Variants in VSIG1 observed in about 807,000 individuals in gnomAD.
VSIG1 encodes the protein V-set and immunoglobulin domain containing 1.
In VSIG1, 11 loss-of-function variants were observed where a neutral mutation model predicts 20.1. The observed-to-expected ratio is 0.55, with a 90% CI of 0.34 to 0.91. VSIG1 has a LOEUF of 0.91. Among genes scored for constraint, VSIG1 ranks in the 40% least tolerant of loss-of-function variants. The pLI, the probability that VSIG1 is intolerant of heterozygous loss-of-function variation, is 0.02. For synonymous variants in VSIG1, 126 were observed against 116.7 expected (o/e 1.08, Z -0.52); for missense variants, 283 against 298.8 (o/e 0.95, Z 0.39).
chrX:108,033,238 G>A, the VSIG1 span, among the ~76,000 whole-genome samples: 2 of 112,245 alleles, frequency 1.8e-5, no homozygotes, highest in Admixed American at 9.4e-5. Flanking sequence ...CACACCAAAA[G>A]AGTCAGGAGA....
chrX:108,074,055 A>G (rs807162), intron 5 of VSIG1, among the ~76,000 whole-genome samples: 5,898 of 111,789 alleles, frequency 0.053, 420 homozygotes, highest in African/African-American at 0.18. Context: ...GAATTGTCCA[A>G]TTGAGCTGAC....
chrX:108,020,792 C>A, the VSIG1 span, among the ~76,000 whole-genome samples: 16 of 111,508 alleles, frequency 1.4e-4, no homozygotes, highest in African/African-American at 5.2e-4. Context: ...TGCCACCAGT[C>A]CGAAATGGGG....
At chrX:108,027,042 T>A in the VSIG1 span, among the ~76,000 whole-genome samples, 1 of 110,999 alleles carries the variant, frequency 9.0e-6, no homozygotes, top group Non-Finnish European at 1.9e-5. Context: ...ACTGTGAGAG[T>A]ATGAAAAATG....
At chrX:108,026,935 C>T in the VSIG1 span, among the ~76,000 whole-genome samples, 1 of 111,877 alleles carries the variant, frequency 8.9e-6, no homozygotes, top group Non-Finnish European at 1.9e-5. Flanking sequence ...AGGTGCTCAA[C>T]ATCATTAGTC....
At chrX:108,077,006 C>T (rs1313544462) in intron 6 of VSIG1, 42 bp from the exon 7 acceptor site, 2 of 1,123,605 alleles carry the variant, frequency 1.8e-6, no homozygotes, top group Admixed American at 5.5e-5. Context: ...TCAAAGTTAG[C>T]ATCTCCCTAA....
the VSIG1 span, among the ~76,000 whole-genome samples, chrX:108,028,548 A>C: frequency 9.0e-6 from 1 of 111,298 alleles, no homozygotes; most frequent in East Asian, 2.8e-4. Context: ...GGGGGCTTGC[A>C]ATGTGAATGC....
At chrX:108,020,059 G>C in the VSIG1 span, among the ~76,000 whole-genome samples, 2 of 111,973 alleles carry the variant, frequency 1.8e-5, no homozygotes, top group African/African-American at 6.5e-5. Context: ...TCTCTCTGAT[G>C]ATCTATTCAA....
the VSIG1 span, among the ~76,000 whole-genome samples, chrX:108,033,883 G>A: frequency 2.6e-4 from 29 of 110,261 alleles, no homozygotes; most frequent in East Asian, 2.9e-4. Flanking sequence ...TAATCTCACG[G>A]TTTGGTTTAA....
chrX:108,037,616 T>C, the VSIG1 span, among the ~76,000 whole-genome samples: 1 of 112,538 alleles, frequency 8.9e-6, no homozygotes, highest in Admixed American at 9.4e-5. Flanking sequence ...GATTTGCCAC[T>C]ATTTCAGACT....
intron 6 of VSIG1, 150 bp downstream of exon 6, chrX:108,076,368 GGCT>G: frequency 2.8e-6 from 2 of 725,486 alleles, no homozygotes; most frequent in Non-Finnish European, 1.9e-6. Context: ...GAATGATGAT[GGCT>G]GCTATTTATT....
In VSIG1 at chrX:108,072,695, T is replaced by C; in HGVS notation, c.431T>C (p.Leu144Pro). ...VSVLVKPSKPLCSVQGRPETG... is the reference protein window; with the variant it reads ...VSVLVKPSKPPCSVQGRPETG... ...CTTACAGTGAAACCTTCTAAGCCCC[T>C]TTGTAGCGTTCAAGGAAGACCAGAA... Residue 144 changes from leucine to proline, a missense_variant, in exon 4 of 7, where the codon CTT becomes CCT. Physicochemically the swap from Leu to Pro is moderately conservative, Grantham distance 98 (BLOSUM62 -3). Transcript: ENST00000217957. The C allele has an allele frequency of 8.3e-7, 1 of 1,211,416 alleles. No individual in the cohort carries two copies. Among genetic ancestry groups the C allele is most frequent in the Non-Finnish European group, 1.1e-6 (1 of 895,226 alleles).
intron 1 of VSIG1, among the ~76,000 whole-genome samples, chrX:108,047,797 TATATATATATAC>T (rs1357210866): frequency 1.0e-4 from 7 of 69,208 alleles, no homozygotes; most frequent in Admixed American, 3.3e-4. Context: ...TCTCTATATA[TATATATATATAC>T]ATATATATAT....
At position 108,057,730 on chromosome X, in the gene VSIG1, G is replaced by A. The variant is rs183157858; in HGVS notation, c.50-308G>A. 4.0e-3 allele frequency among the ~76,000 whole-genome samples: 442 copies of A among 111,394 alleles called. 2 individuals carry two copies. The highest frequency in any genetic ancestry group is 0.014 in the African/African-American group (417 of 30,651). On this transcript the variant is annotated intron_variant, in intron 1 of 6. Transcript: ENST00000217957. The stretch of plus-strand genomic sequence containing the variant: ...GTTCTCTATACTACCAGACAGTTTT[G>A]GGTCCCTGGACAAGACTTTAAGAAC...
intron 6 of VSIG1, 76 bp from the exon 7 acceptor site, chrX:108,076,972 G>T: frequency 1.0e-6 from 1 of 995,430 alleles, no homozygotes; most frequent in East Asian, 3.1e-5. Context: ...TGAAGCTACA[G>T]AACATATGGT....
chrX:108,073,552 T>G, intron 5 of VSIG1, 183 bp downstream of exon 5: 1 of 465,614 alleles, frequency 2.1e-6, no homozygotes, highest in Non-Finnish European at 3.4e-6. Flanking sequence ...TAATAATATA[T>G]GCCATATGCT....
At chrX:108,043,790 T>C (rs191625669), upstream of VSIG1, among the ~76,000 whole-genome samples, 803 of 111,980 alleles carry the variant, frequency 7.2e-3, 4 homozygotes, top group Non-Finnish European at 0.011. Flanking sequence ...AAACATTTCC[T>C]GTAAATTAAA....
chrX:108,077,033 C>A lies in VSIG1; in HGVS notation c.831-15C>A. The A allele has an allele frequency of 4.2e-6, 5 of 1,190,796 alleles. No homozygotes were observed. Among genetic ancestry groups the A allele is most frequent in the Non-Finnish European group, 3.4e-6 (3 of 885,127 alleles). ...TCTCCCTAACTTGTTCTTTTCTGGGCCTTCTTTCTTGCAGGCCAATGACAA... is the reference window on the plus strand; with the variant it reads ...TCTCCCTAACTTGTTCTTTTCTGGGACTTCTTTCTTGCAGGCCAATGACAA... On this transcript the variant is annotated splice_polypyrimidine_tract_variant and intron_variant, in intron 6 of 6. Transcript: ENST00000217957.
chrX:108,067,217 A>G lies in VSIG1; in HGVS notation c.412+83A>G, dbSNP rs1381172249. 2.1e-5 allele frequency: 21 copies of G among 1,010,787 alleles called. No homozygotes were observed. The Admixed American group carries it at 4.6e-4, about 22-fold the overall frequency. 83.3% of individuals were successfully genotyped at this position (1,010,787 alleles called of 1,213,427 possible). On this transcript the variant is annotated intron_variant, in intron 3 of 6. Coordinates refer to ENST00000217957, the MANE Select transcript of VSIG1 (RefSeq NM_182607.5). ...GCCAGGACAGTGAGTTATGATGCCAATTAAGTCTCTGTAGGTAAATATACT... is the reference window on the plus strand; with the variant it reads ...GCCAGGACAGTGAGTTATGATGCCAGTTAAGTCTCTGTAGGTAAATATACT...
chrX:108,028,363 A>T, the VSIG1 span, among the ~76,000 whole-genome samples: 2 of 111,917 alleles, frequency 1.8e-5, no homozygotes, highest in African/African-American at 6.5e-5. Flanking sequence ...TTATTATTAC[A>T]AATTTGTCCT....
Sources: allele counts gnomAD v4.1 joint callset (sites outside exome capture counted in the v4.1 genomes callset), GRCh38; gene constraint gnomAD v4.1.1; transcripts MANE v1.5; gene names NCBI Gene and HGNC (gene_info 2026-07-23, HGNC 2026-07-21).